The following CHODL variants were observed in gnomAD, a reference collection of about 807,000 sequenced individuals.
CHODL encodes chondrolectin.
Under a neutral mutation model 34.5 loss-of-function variants are expected in CHODL, and 29 were observed. The observed-to-expected ratio is 0.84, with a 90% CI of 0.63 to 1.15. The LOEUF (loss-of-function observed/expected upper bound fraction) is 1.15, where lower values mean the gene tolerates loss of function less well. CHODL is among the 50% of genes most tolerant of loss of function. CHODL has a pLI of 0.00. For missense variants in CHODL, 332 were observed against 332.5 expected, an observed-to-expected ratio of 1.00 and a Z score of 0.01; for synonymous variants, 125 against 116.1, an observed-to-expected ratio of 1.08 and a Z score of -0.49.
intron 2 of CHODL, among the ~76,000 whole-genome samples, chr21:18,130,024 T>G (rs2072636068): frequency 6.6e-6 from 1 of 152,120 alleles, no homozygotes; most frequent in Non-Finnish European, 1.5e-5. Context: ...AGAAGCTTGT[T>G]TCTTTCCAGA....
At chr21:17,951,094 A>G (rs1028394628) in intron 1 of CHODL, among the ~76,000 whole-genome samples, 10 of 132,344 alleles carry the variant, frequency 7.6e-5, no homozygotes, top group Non-Finnish European at 1.4e-4. Flanking sequence ...GTGTGTGTAT[A>G]TATTACTCTA....
intron 2 of CHODL, among the ~76,000 whole-genome samples, chr21:18,051,480 T>C (rs970949607): frequency 1.3e-5 from 2 of 151,742 alleles, no homozygotes; most frequent in African/African-American, 4.8e-5. Context: ...GGTTTCATAT[T>C]TGTGTTCCTA....
intron 2 of CHODL, among the ~76,000 whole-genome samples, chr21:18,228,220 G>T (rs544465143): frequency 1.1e-4 from 17 of 152,176 alleles, no homozygotes; most frequent in Non-Finnish European, 2.4e-4. Context: ...AGCTACTGGG[G>T]TCACACACAC....
At chr21:18,097,520 A>G (rs1246594335) in intron 2 of CHODL, among the ~76,000 whole-genome samples, 1 of 152,132 alleles carries the variant, frequency 6.6e-6, no homozygotes, top group Non-Finnish European at 1.5e-5. Context: ...CATGAAAGTG[A>G]AAGATCTTTA....
At chr21:17,964,209 A>G (rs1043368966) in intron 1 of CHODL, among the ~76,000 whole-genome samples, 1 of 152,242 alleles carries the variant, frequency 6.6e-6, no homozygotes, top group African/African-American at 2.4e-5. Flanking sequence ...TTATTTAATG[A>G]TCGATACATG....
chr21:18,207,047 C>G (rs59520701), intron 2 of CHODL, among the ~76,000 whole-genome samples: 24,468 of 151,860 alleles, frequency 0.16, 2,460 homozygotes, highest in African/African-American at 0.28. Context: ...CCCCCAACCC[C>G]TGACAGGCCC....
At chr21:18,041,071 C>G (rs990808079) in intron 2 of CHODL, among the ~76,000 whole-genome samples, 3 of 151,906 alleles carry the variant, frequency 2.0e-5, no homozygotes, top group Admixed American at 1.3e-4. Context: ...AAAAGTGAAA[C>G]AGTCCTTACT....
intron 2 of CHODL, among the ~76,000 whole-genome samples, chr21:18,172,002 C>T (rs1301965318): frequency 6.6e-6 from 1 of 152,200 alleles, no homozygotes; most frequent in Non-Finnish European, 1.5e-5. Context: ...TACAGATCCT[C>T]AAGATTAGCC....
At chr21:17,978,514 C>A (rs564806250) in intron 1 of CHODL, among the ~76,000 whole-genome samples, 24 of 150,302 alleles carry the variant, frequency 1.6e-4, no homozygotes, top group African/African-American at 5.4e-4. Context: ...GTCAGGAGAT[C>A]GAGACGATCC....
At chr21:18,212,265 A>G (rs2073782117) in intron 2 of CHODL, among the ~76,000 whole-genome samples, 1 of 152,166 alleles carries the variant, frequency 6.6e-6, no homozygotes, top group South Asian at 2.1e-4. Flanking sequence ...AGCAATTTTG[A>G]TGTCTGAAGC....
intron 2 of CHODL, among the ~76,000 whole-genome samples, chr21:18,092,315 G>A (rs189816742): frequency 5.9e-5 from 9 of 152,268 alleles, no homozygotes; most frequent in Admixed American, 5.9e-4. Context: ...TAGGCTTGGG[G>A]CCTAAGTCCC....
At chr21:18,013,335 G>T (rs1189425080) in intron 1 of CHODL, among the ~76,000 whole-genome samples, 2 of 392 alleles carry the variant, frequency 5.1e-3, no homozygotes, top group Non-Finnish European at 5.1e-3. Flanking sequence ...CTAGTTGTCT[G>T]CCCGTGGTCA....
At chr21:18,101,137 A>G (rs2065208182) in intron 2 of CHODL, among the ~76,000 whole-genome samples, 1 of 151,214 alleles carries the variant, frequency 6.6e-6, no homozygotes, top group Non-Finnish European at 1.5e-5. Context: ...TGTTCTCATG[A>G]TAGTGAATGG....
At chr21:18,059,716 G>T (rs2064633789) in intron 2 of CHODL, among the ~76,000 whole-genome samples, 1 of 152,040 alleles carries the variant, frequency 6.6e-6, no homozygotes. Flanking sequence ...TCATCATTCA[G>T]CTCTGTTAGC....
At chr21:17,991,658 ATTT>A (rs35600353) in intron 1 of CHODL, among the ~76,000 whole-genome samples, 78 of 128,370 alleles carry the variant, frequency 6.1e-4, no homozygotes, top group East Asian at 2.3e-3. Context: ...AGATTATTTG[ATTT>A]TTTTTTTTTT....
intron 1 of CHODL, among the ~76,000 whole-genome samples, chr21:17,938,393 G>GATAT (rs57915061): frequency 0.052 from 7,481 of 143,706 alleles, 244 homozygotes; most frequent in Non-Finnish European, 0.065. Flanking sequence ...CATATATATA[G>GATAT]ATATATATAT....
In CHODL at chr21:18,174,162, A is replaced by AT. The variant is rs2073277476; in HGVS notation, c.-44-82347_-44-82346insT. ...ATATATATATATATATATATATATA[A>AT]AATCAAGTCTCTCAGAGTAGTGGTG... On this transcript the variant is annotated intron_variant, in intron 2 of 6. Coordinates refer to the CHODL transcript ENST00000400127. Among the ~76,000 whole-genome samples the AT allele has an allele frequency of 4.3e-5, 2 of 46,442 alleles. 1 individual carries two copies. Among genetic ancestry groups the AT allele is most frequent in the Non-Finnish European group, 1.1e-4 (2 of 18,548 alleles). The allele number at this position is 46,442 out of a possible 152,430, so 30.5% of individuals were successfully genotyped here. A position where few individuals can be genotyped will look rare whatever the true frequency, so the allele number is the denominator to read the frequency against.
At chr21:17,979,161 G>GC (rs1486817436) in intron 1 of CHODL, among the ~76,000 whole-genome samples, 2 of 152,144 alleles carry the variant, frequency 1.3e-5, no homozygotes, top group East Asian at 3.8e-4. Context: ...ACGTAATGTA[G>GC]CATATTCTTA....
At chr21:17,936,190 G>C (rs1341465539) in intron 1 of CHODL, among the ~76,000 whole-genome samples, 2 of 152,146 alleles carry the variant, frequency 1.3e-5, no homozygotes, top group East Asian at 3.9e-4. Context: ...AGTATCCCAG[G>C]CATAAAGGGC....
Sources: allele counts gnomAD v4.1 joint callset (sites outside exome capture counted in the v4.1 genomes callset), GRCh38; gene constraint gnomAD v4.1.1; transcripts MANE v1.5; gene names NCBI Gene and HGNC (gene_info 2026-07-23, HGNC 2026-07-21).